The following DYNC1I1 variants were observed in gnomAD, a reference collection of about 807,000 sequenced individuals.
DYNC1I1 encodes the protein cytoplasmic dynein 1 intermediate chain 1.
DYNC1I1 carries 43 observed loss-of-function variants against 86.6 expected under a neutral mutation model. That is an observed-to-expected ratio of 0.50 (90% CI 0.39 to 0.64). The LOEUF (loss-of-function observed/expected upper bound fraction) is 0.64, where lower values mean the gene tolerates loss of function less well. DYNC1I1 is among the 30% of genes least tolerant of loss of function. The pLI is 0.00. For synonymous variants in DYNC1I1, 262 were observed against 283.7 expected (o/e 0.92, Z 0.77); for missense variants, 604 against 788.8 (o/e 0.77, Z 2.81).
Position 95,813,259 on chromosome 7 carries a change from T to A in DYNC1I1, c.236T>A (p.Met79Lys). The A allele has an allele frequency of 6.2e-7, 1 of 1,613,160 alleles. No individual in the cohort carries two copies. Among genetic ancestry groups the A allele is most frequent in the African/African-American group, 1.3e-5 (1 of 74,868 alleles). The change falls in exon 4 of 17, where the codon ATG (methionine) becomes AAG (lysine). Residue 79 changes from methionine to lysine, a missense_variant. Coordinates refer to ENST00000447467, the MANE Select transcript of DYNC1I1 (RefSeq NM_001135556.2). ...SPEPPLVPTP[M>K]SPSSKSVSTP... Reference sequence around the variant, plus strand: ...TTTCATTATTTAGTCCCAACCCCTATGTCTCCCTCCTCGAAATCAGTGAGC... The same window carrying A: ...TTTCATTATTTAGTCCCAACCCCTAAGTCTCCCTCCTCGAAATCAGTGAGC...
intron 6 of DYNC1I1, among the ~76,000 whole-genome samples, chr7:95,968,678 A>G (rs541218909): frequency 1.6e-4 from 24 of 152,202 alleles, no homozygotes; most frequent in Non-Finnish European, 2.9e-4. Flanking sequence ...GGAAGACTTA[A>G]TAGAGAAAGC....
chr7:95,873,494 CA>C (rs1360721003), intron 6 of DYNC1I1, among the ~76,000 whole-genome samples: 3 of 152,292 alleles, frequency 2.0e-5, no homozygotes, highest in Non-Finnish European at 4.4e-5. Context: ...TTAAGGTATT[CA>C]CATATACTTT....
At chr7:95,843,387 C>T (rs1347739614) in intron 5 of DYNC1I1, among the ~76,000 whole-genome samples, 1 of 152,152 alleles carries the variant, frequency 6.6e-6, no homozygotes, top group African/African-American at 2.4e-5. Flanking sequence ...TGCTGGATTT[C>T]ACCTGAGTTT....
At chr7:95,929,580 T>A (rs1407202798) in intron 6 of DYNC1I1, among the ~76,000 whole-genome samples, 1 of 152,118 alleles carries the variant, frequency 6.6e-6, no homozygotes, top group African/African-American at 2.4e-5. Flanking sequence ...AGTACTCAAA[T>A]CAGGAGTGTA....
intron 6 of DYNC1I1, among the ~76,000 whole-genome samples, chr7:95,944,888 G>T: frequency 8.6e-6 from 1 of 115,892 alleles, no homozygotes; most frequent in Non-Finnish European, 1.7e-5. Flanking sequence ...TTGGGGGAGG[G>T]AGGAGGGATA....
chr7:95,904,143 T>C (rs1367749801), intron 6 of DYNC1I1, among the ~76,000 whole-genome samples: 1 of 152,146 alleles, frequency 6.6e-6, no homozygotes, highest in Non-Finnish European at 1.5e-5. Context: ...TGGAGAAGTT[T>C]AGACTGCCCT....
intron 4 of DYNC1I1, among the ~76,000 whole-genome samples, chr7:95,814,893 C>A (rs939132569): frequency 2.6e-5 from 4 of 152,126 alleles, no homozygotes; most frequent in Non-Finnish European, 5.9e-5. Context: ...GCTTTGAACA[C>A]TTCAAAAGGT....
intron 6 of DYNC1I1, among the ~76,000 whole-genome samples, chr7:95,873,884 C>T (rs1207326839): frequency 2.0e-5 from 3 of 152,232 alleles, no homozygotes; most frequent in Non-Finnish European, 4.4e-5. Context: ...ACATAAGTCA[C>T]CTGGTGACAC....
intron 6 of DYNC1I1, among the ~76,000 whole-genome samples, chr7:95,922,699 CT>C (rs1791642174): frequency 6.6e-6 from 1 of 152,106 alleles, no homozygotes; most frequent in African/African-American, 2.4e-5. Context: ...TCCTCATTGA[CT>C]TTTAGGTTTA....
At chr7:96,074,324 C>T (rs1164608773) in intron 14 of DYNC1I1, among the ~76,000 whole-genome samples, 4 of 151,932 alleles carry the variant, frequency 2.6e-5, no homozygotes, top group Non-Finnish European at 4.4e-5. Flanking sequence ...CCAAGACGGG[C>T]GGATCACGAG....
intron 6 of DYNC1I1, among the ~76,000 whole-genome samples, chr7:95,939,091 A>G (rs915704000): frequency 1.3e-5 from 2 of 152,098 alleles, no homozygotes; most frequent in Admixed American, 6.5e-5. Context: ...TTCAGTTTCC[A>G]TGTAGTTGAG....
chr7:96,084,405 A>G (rs1204840302), intron 16 of DYNC1I1, among the ~76,000 whole-genome samples: 2 of 150,002 alleles, frequency 1.3e-5, no homozygotes, highest in Non-Finnish European at 3.0e-5. Flanking sequence ...GACACACTAC[A>G]ATCTTCTCAT....
At chr7:95,960,799 G>A (rs187608463) in intron 6 of DYNC1I1, among the ~76,000 whole-genome samples, 3 of 152,280 alleles carry the variant, frequency 2.0e-5, no homozygotes, top group South Asian at 2.1e-4. Context: ...CAAGCCTGTG[G>A]GACCAGAGCA....
intron 6 of DYNC1I1, among the ~76,000 whole-genome samples, chr7:95,918,974 T>G (rs570840760): frequency 1.3e-5 from 2 of 152,252 alleles, no homozygotes; most frequent in African/African-American, 4.8e-5. Context: ...TTAGGAACTG[T>G]TTTTTACTCT....
At chr7:95,914,770 G>A (rs558255108) in intron 6 of DYNC1I1, among the ~76,000 whole-genome samples, 1 of 152,158 alleles carries the variant, frequency 6.6e-6, no homozygotes, top group African/African-American at 2.4e-5. Context: ...TCATTACAGA[G>A]GTCTAGTCTG....
In DYNC1I1 at chr7:96,010,864, G is replaced by A. The variant is rs376576550; in HGVS notation, c.969+14791G>A. The stretch of plus-strand genomic sequence containing the variant: ...AAGAAGTTTGCATTGCCAGATGCTT[G>A]GCATCATGTAATCAAAACATTTTGA... On this transcript the variant is annotated intron_variant, in intron 10 of 16. Transcript: ENST00000447467. 3.3e-4 allele frequency among the ~76,000 whole-genome samples: 51 copies of A among 152,274 alleles called. No individual in the cohort carries two copies. In the East Asian group the frequency reaches 5.0e-3, roughly 15 times the overall value.
At chr7:96,051,043 G>A (rs1374555720) in intron 14 of DYNC1I1, among the ~76,000 whole-genome samples, 5 of 152,268 alleles carry the variant, frequency 3.3e-5, no homozygotes, top group Admixed American at 3.3e-4. Context: ...GCTGGATTAA[G>A]ACATTCATTA....
At chr7:96,093,211 T>G (rs1291615685) in intron 16 of DYNC1I1, among the ~76,000 whole-genome samples, 1 of 152,208 alleles carries the variant, frequency 6.6e-6, no homozygotes, top group Non-Finnish European at 1.5e-5. Flanking sequence ...CAATCCATGA[T>G]GAACTCATAG....
intron 6 of DYNC1I1, among the ~76,000 whole-genome samples, chr7:95,963,474 T>C (rs1792926681): frequency 6.6e-6 from 1 of 152,164 alleles, no homozygotes; most frequent in Admixed American, 6.5e-5. Context: ...GGGGGCAATT[T>C]AGGTTGGATT....
Sources: allele counts gnomAD v4.1 joint callset (sites outside exome capture counted in the v4.1 genomes callset), GRCh38; gene constraint gnomAD v4.1.1; transcripts MANE v1.5; gene names NCBI Gene and HGNC (gene_info 2026-07-23, HGNC 2026-07-21).